Variants in FGD2 observed in about 807,000 individuals in gnomAD.
FGD2 encodes FYVE, RhoGEF and PH domain containing 2.
FGD2 carries 52 observed loss-of-function variants against 75.9 expected under a neutral mutation model. The observed-to-expected ratio is 0.69, with a 90% CI of 0.55 to 0.86. The LOEUF (loss-of-function observed/expected upper bound fraction) is 0.86, where lower values mean the gene tolerates loss of function less well. Ranked by LOEUF, FGD2 falls within the 40% of genes least tolerant of loss-of-function variation. The pLI, the probability that FGD2 is intolerant of heterozygous loss-of-function variation, is 0.00. For missense variants in FGD2, 790 were observed against 872.0 expected (o/e 0.91, Z 1.18); for synonymous variants, 347 against 348.6 (o/e 1.00, Z 0.05).
rs1765945263 is a variant in FGD2, at chr6:37,028,615, C to CTGTTTTTTTTTTTTTTTTTTTTTTTTTTT, written c.*453_*454insGTTTTTTTTTTTTTTTTTTTTTTTTTTTT. ...GGCTGAGTTGGGGGAGGCATGGGGT[C>CTGTTTTTTTTTTTTTTTTTTTTTTTTTTT]TTTTTTTTTTTTTTTTTGAGACAGA... On this transcript the variant is annotated 3_prime_UTR_variant, in exon 16 of 16. Coordinates refer to ENST00000274963, the MANE Select transcript of FGD2 (RefSeq NM_173558.4). 1.3e-5 allele frequency: 1 copy of CTGTTTTTTTTTTTTTTTTTTTTTTTTTTT among 79,024 alleles called. No homozygotes were observed. The highest frequency in any genetic ancestry group is 2.3e-5 in the Non-Finnish European group (1 of 44,274). The allele number at this position is 79,024 out of a possible 1,614,324, so 4.9% of individuals were successfully genotyped here.
intron 4 of FGD2, chr6:37,012,167 TC>T (rs1765043914): frequency 3.6e-6 from 1 of 275,164 alleles, no homozygotes; most frequent in Non-Finnish European, 6.7e-6. Flanking sequence ...CCTTGGGCTT[TC>T]CCTCTATTAA....
Position 37,005,782 on chromosome 6 carries a change from C to T in FGD2, c.-36C>T, listed in dbSNP as rs767969467. The T allele has an allele frequency of 1.7e-5, 27 of 1,610,816 alleles. No homozygotes were observed. The highest frequency in any genetic ancestry group is 1.7e-5 in the Non-Finnish European group (20 of 1,178,676). On this transcript the variant is annotated 5_prime_UTR_variant, in exon 1 of 16. The change creates a premature stop within an existing upstream ORF in the 5' untranslated region. Transcript: ENST00000274963. Reference sequence around the variant, plus strand: ...TGGCTGGAGGCCTCTCTCTCTGCTTCGAGGGTAGCTGAGATCCACCCCGGA... The same window carrying T: ...TGGCTGGAGGCCTCTCTCTCTGCTTTGAGGGTAGCTGAGATCCACCCCGGA...
intron 1 of FGD2, 141 bp downstream of exon 1, chr6:37,006,026 G>C: frequency 1.1e-6 from 1 of 924,332 alleles, no homozygotes; most frequent in Non-Finnish European, 1.7e-6. Context: ...CGGATTCCTT[G>C]GAGCATGGGA....
At chr6:37,006,386 A>G (rs1021049925) in intron 1 of FGD2, among the ~76,000 whole-genome samples, 1 of 152,042 alleles carries the variant, frequency 6.6e-6, no homozygotes, top group Non-Finnish European at 1.5e-5. Context: ...GGTACTCCCT[A>G]CTCTAAGTTC....
rs375715265 is a variant in FGD2 at position 37,021,599 on chromosome 6, C to G, written c.1321C>G (p.Gln441Glu). The G allele has an allele frequency of 6.2e-7, 1 of 1,613,520 alleles. No individual in the cohort carries two copies. The highest frequency in any genetic ancestry group is 8.5e-7 in the Non-Finnish European group (1 of 1,179,724). The change falls in exon 12 of 16, where the codon CAG becomes GAG. Residue 441 changes from glutamine to glutamate, a missense_variant. By Grantham distance (29) the Gln-to-Glu change is conservative. Coordinates refer to ENST00000274963, the MANE Select transcript of FGD2 (RefSeq NM_173558.4). ...GGGGCCTGAGGGAGACATCCAGGAG[C>G]AGGAGGTAAATGAAGGCTTTTTCAT... is the stretch of plus-strand genomic sequence containing the variant. ...AQGPEGDIQE[Q>E]ELQSEELGLR...
In FGD2 at chr6:37,022,226, C is replaced by A; in HGVS notation, c.1327-13C>A. The A allele has an allele frequency of 6.3e-7, 1 of 1,598,932 alleles. No individual in the cohort carries two copies. Among genetic ancestry groups the A allele is most frequent in the South Asian group, 1.1e-5 (1 of 89,590 alleles). On this transcript the variant is annotated splice_polypyrimidine_tract_variant and intron_variant, in intron 12 of 15. Transcript: ENST00000274963. ...CAAGGGCCCATTCCTGCCCAACTCCCCTTAACCCACAGCTGCAGTCTGAGG... is the reference window on the plus strand; with the variant it reads ...CAAGGGCCCATTCCTGCCCAACTCCACTTAACCCACAGCTGCAGTCTGAGG...
At position 37,008,868 on chromosome 6, in the gene FGD2, G is replaced by C. The variant is rs1443349102; in HGVS notation, c.103G>C (p.Glu35Gln). 1 of 1,611,370 alleles carries C rather than the reference G, an allele frequency of 6.2e-7. No homozygotes were observed. The highest frequency in any genetic ancestry group is 8.5e-7 in the Non-Finnish European group (1 of 1,178,028). ...AGCAGCACCCAGAGGCCAGAGGCTA[G>C]AGGACGTGCATCACCGCCCTGAGTG... ...PEAAPRGQRL[E>Q]DVHHRPECRP... The change falls in exon 2 of 16, where the codon GAG becomes CAG. Residue 35 changes from glutamate to glutamine, a missense_variant. Glu to Gln is a conservative substitution (Grantham distance 29, BLOSUM62 2). Coordinates refer to ENST00000274963, the MANE Select transcript of FGD2 (RefSeq NM_173558.4).
Position 37,025,881 on chromosome 6 carries a change from C to T in FGD2, c.1548C>T (p.Phe516=), listed in dbSNP as rs745311755. Residue 516 remains phenylalanine (F), a synonymous_variant, in exon 14 of 16, where the codon TTC becomes TTT. Coordinates refer to ENST00000274963, the MANE Select transcript of FGD2 (RefSeq NM_173558.4). ...GAGTCTGCCTCCACTGCTACGCATT[C>T]CTCACTGGAAATGTGCTGCCTGAGG... is the stretch of plus-strand genomic sequence containing the variant. ...PNRVCLHCYA[F]LTGNVLPEAK... 7.4e-6 allele frequency: 12 copies of T among 1,614,220 alleles called. No individual in the cohort carries two copies. Among genetic ancestry groups the T allele is most frequent in the South Asian group, 1.1e-5 (1 of 91,078 alleles).
chr6:37,006,242 A>G (rs1311822967), intron 1 of FGD2, among the ~76,000 whole-genome samples: 2 of 152,250 alleles, frequency 1.3e-5, no homozygotes, highest in East Asian at 1.9e-4. Flanking sequence ...GGATAACCAT[A>G]TAATTTATCA....
Position 37,007,981 on chromosome 6 carries a change from G to T in FGD2, c.69-853G>T, listed in dbSNP as rs115054430. ...TGGGGAGGGGCAGGTTAGAGTGAAG[G>T]CTCAGGAAGCAGTCGCCTGATTTGA... is the stretch of plus-strand genomic sequence containing the variant. On this transcript the variant is annotated intron_variant, in intron 1 of 15. Transcript: ENST00000274963. Among the ~76,000 whole-genome samples, 1,192 of 152,284 alleles carry T rather than the reference G, an allele frequency of 7.8e-3. 21 individuals are homozygous for T. Among genetic ancestry groups the T allele is most frequent in the African/African-American group, 0.026 (1,063 of 41,554 alleles).
At position 37,014,034 on chromosome 6, in the gene FGD2, G is replaced by C; in HGVS notation, c.757G>C (p.Glu253Gln). 1 of 1,614,100 alleles carries C rather than the reference G, an allele frequency of 6.2e-7. No individual in the cohort carries two copies. Among genetic ancestry groups the C allele is most frequent in the Admixed American group, 1.7e-5 (1 of 60,012 alleles). The change falls in exon 6 of 16, where the codon GAG becomes CAG. Residue 253 changes from glutamate (E) to glutamine (Q), a missense_variant. Physicochemically the swap from Glu to Gln is conservative, Grantham distance 29 (BLOSUM62 2). Coordinates refer to ENST00000274963, the MANE Select transcript of FGD2 (RefSeq NM_173558.4). ...LEPVQRIPRY[E>Q]LLLKEYIQKL... is the part of the protein sequence containing the mutation. ...ACCAGTGCAGAGAATTCCACGTTAC[G>C]AGCTGCTGCTCAAGGAGTACATCCA...
In FGD2 at chr6:37,028,386, G is replaced by T; in HGVS notation, c.*223G>T. On this transcript the variant is annotated 3_prime_UTR_variant, in exon 16 of 16. Transcript: ENST00000274963. ...CAAGTGTCTCAGTTTGCCTTGCGGG[G>T]AGGGGGCTCCTGGGCCATGGGACTT... The T allele has an allele frequency of 1.9e-6, 1 of 518,074 alleles. No individual in the cohort carries two copies. The highest frequency in any genetic ancestry group is 3.4e-6 in the Non-Finnish European group (1 of 294,912). The allele number at this position is 518,074 out of a possible 1,614,324, so 32.1% of individuals were successfully genotyped here.
intron 4 of FGD2, chr6:37,013,311 GTTA>G: frequency 2.4e-6 from 1 of 422,164 alleles, no homozygotes; most frequent in Non-Finnish European, 3.7e-6. Context: ...GGTAGCCCTC[GTTA>G]TTGTTACATA....
At position 37,028,285 on chromosome 6, in the gene FGD2, C is replaced by A; in HGVS notation, c.*122C>A. On this transcript the variant is annotated 3_prime_UTR_variant, in exon 16 of 16. Coordinates refer to ENST00000274963, the MANE Select transcript of FGD2 (RefSeq NM_173558.4). ...TGGTGCTTTCAGAGAATTGATTCAG[C>A]CATCTGCGCCCAGGCCACGTGTCCC... 2.1e-6 allele frequency: 2 copies of A among 967,666 alleles called. No individual in the cohort carries two copies. The highest frequency in any genetic ancestry group is 3.0e-6 in the Non-Finnish European group (2 of 676,708). 59.9% of individuals were successfully genotyped at this position (967,666 alleles called of 1,614,324 possible).
chr6:37,019,878 A>T (rs1765491788), intron 9 of FGD2, among the ~76,000 whole-genome samples: 1 of 133,914 alleles, frequency 7.5e-6, no homozygotes, highest in Non-Finnish European at 1.6e-5. Flanking sequence ...TTTGAGACAG[A>T]GTCTCCCTCT....
chr6:37,011,639 T>C (rs1765009309), intron 3 of FGD2, 67 bp from the exon 4 acceptor site: 24 of 1,602,802 alleles, frequency 1.5e-5, no homozygotes, highest in South Asian at 2.2e-5. Context: ...GGGACCCTAG[T>C]TCCCCCGGGC....
chr6:37,020,786 T>G (rs1307508902), intron 11 of FGD2, 47 bp downstream of exon 11: 2 of 1,548,418 alleles, frequency 1.3e-6, no homozygotes, highest in African/African-American at 2.8e-5. Context: ...CCTTTCTTTC[T>G]TTTTTCTTTT....
intron 8 of FGD2, 106 bp from the exon 9 acceptor site, chr6:37,015,662 C>T (rs934638379): frequency 1.3e-5 from 13 of 963,168 alleles, no homozygotes; most frequent in East Asian, 2.7e-5. Flanking sequence ...CAAAGGGGAG[C>T]GGGTCCAGTG....
At chr6:37,026,534 G>A (rs989711686) in intron 14 of FGD2, among the ~76,000 whole-genome samples, 2 of 135,696 alleles carry the variant, frequency 1.5e-5, no homozygotes, top group East Asian at 8.3e-4. Flanking sequence ...GCTCCCCTGT[G>A]GGGGTACAAC....
Sources: allele counts gnomAD v4.1 joint callset (sites outside exome capture counted in the v4.1 genomes callset), GRCh38; gene constraint gnomAD v4.1.1; transcripts MANE v1.5; gene names NCBI Gene and HGNC (gene_info 2026-07-23, HGNC 2026-07-21).